The following CUX2 variants were observed in gnomAD, a reference collection of about 807,000 sequenced individuals.
CUX2 encodes cut like homeobox 2.
Under a neutral mutation model 144.8 loss-of-function variants are expected in CUX2, and 40 were observed. The ratio of observed to expected loss-of-function variants is 0.28; its 90% confidence interval spans 0.21 to 0.36. The LOEUF (loss-of-function observed/expected upper bound fraction) is 0.36. Among genes scored for constraint, CUX2 ranks in the 10% least tolerant of loss-of-function variants. The probability of loss-of-function intolerance (pLI) is 1.00; values close to 1 mark genes in which losing one functional copy is unlikely to be tolerated. For synonymous variants in CUX2, 827 were observed against 875.6 expected, an observed-to-expected ratio of 0.94 and a Z score of 0.98; for missense variants, 1,615 against 1,994.0, an observed-to-expected ratio of 0.81 and a Z score of 3.62.
chr12:111,275,933 T>C (rs1233636977), intron 4 of CUX2, among the ~76,000 whole-genome samples: 1 of 152,186 alleles, frequency 6.6e-6, no homozygotes. Context: ...CCATTTTCTG[T>C]TTTGTTTTGT....
intron 1 of CUX2, among the ~76,000 whole-genome samples, chr12:111,132,819 C>T (rs763740072): frequency 6.6e-5 from 10 of 152,082 alleles, no homozygotes; most frequent in Non-Finnish European, 1.3e-4. Context: ...GCGCCTGCCT[C>T]GGCCTCCCAA....
chr12:111,182,799 T>C lies in CUX2; in HGVS notation c.64-31401T>C, dbSNP rs1009733336. On this transcript the variant is annotated intron_variant, in intron 1 of 21. Transcript: ENST00000261726. ...CGTTCAGGTGGGCATGGGACAGTGG[T>C]CCCTGAGCCAGCCCAGGATACATTC... Among the ~76,000 whole-genome samples the C allele has an allele frequency of 2.2e-4, 34 of 152,096 alleles. 1 individual carries two copies. The highest frequency in any genetic ancestry group is 2.2e-3 in the Admixed American group (34 of 15,274).
intron 1 of CUX2, among the ~76,000 whole-genome samples, chr12:111,104,377 T>C (rs974093711): frequency 6.6e-6 from 1 of 152,164 alleles, no homozygotes; most frequent in African/African-American, 2.4e-5. Flanking sequence ...CATGGGAGGT[T>C]TGTGGGCTAA....
intron 1 of CUX2, among the ~76,000 whole-genome samples, chr12:111,042,712 G>C (rs1869809773): frequency 6.6e-6 from 1 of 152,058 alleles, no homozygotes; most frequent in Non-Finnish European, 1.5e-5. Flanking sequence ...GCTCACTGCA[G>C]CCTCAACCTT....
At chr12:111,205,151 T>C (rs1455808951) in intron 1 of CUX2, among the ~76,000 whole-genome samples, 1 of 152,136 alleles carries the variant, frequency 6.6e-6, no homozygotes, top group Non-Finnish European at 1.5e-5. Flanking sequence ...CGTCTTGTCT[T>C]GTCTTGTCTC....
intron 18 of CUX2, among the ~76,000 whole-genome samples, chr12:111,325,656 TGTG>T (rs1479114648): frequency 1.2e-5 from 1 of 86,944 alleles, no homozygotes; most frequent in Non-Finnish European, 2.2e-5. Context: ...TTTATAGTGT[TGTG>T]GTGGGGGAGG....
At chr12:111,102,855 G>C (rs1392105377) in intron 1 of CUX2, among the ~76,000 whole-genome samples, 1 of 152,054 alleles carries the variant, frequency 6.6e-6, no homozygotes, top group Non-Finnish European at 1.5e-5. Context: ...AGTTTGCGTA[G>C]TAAGTGATCA....
chr12:111,232,614 T>C (rs1882533345), intron 3 of CUX2, among the ~76,000 whole-genome samples: 1 of 152,240 alleles, frequency 6.6e-6, no homozygotes, highest in South Asian at 2.1e-4. Context: ...TTTGGTATCC[T>C]CAGGGTGTCC....
At chr12:111,339,891 C>G (rs530112714) in intron 20 of CUX2, among the ~76,000 whole-genome samples, 32 of 152,178 alleles carry the variant, frequency 2.1e-4, no homozygotes, top group Admixed American at 5.9e-4. Context: ...TGGCTGCTCT[C>G]TATTTCTGAA....
At chr12:111,233,059 C>A (rs1229097855) in intron 3 of CUX2, among the ~76,000 whole-genome samples, 3 of 152,154 alleles carry the variant, frequency 2.0e-5, no homozygotes, top group African/African-American at 7.2e-5. Flanking sequence ...AGAGTAGGGA[C>A]ATTCTAGTCA....
intron 3 of CUX2, among the ~76,000 whole-genome samples, chr12:111,249,479 C>T (rs1213493170): frequency 8.8e-6 from 1 of 114,166 alleles, no homozygotes; most frequent in Admixed American, 1.3e-4. Flanking sequence ...GGGTTGGAGA[C>T]AGAGTCTCAC....
intron 1 of CUX2, among the ~76,000 whole-genome samples, chr12:111,182,759 G>A (rs1879267883): frequency 6.6e-6 from 1 of 152,320 alleles, no homozygotes; most frequent in African/African-American, 2.4e-5. Context: ...GATCACCAAG[G>A]CAAGTGGTCA....
In CUX2 at chr12:111,035,347, C is replaced by CGGA. The variant is rs1319809966; in HGVS notation, c.63+1108_63+1110dup. Among the ~76,000 whole-genome samples, 1 of 152,116 alleles carries CGGA rather than the reference C, an allele frequency of 6.6e-6. No homozygotes were observed. The highest frequency in any genetic ancestry group is 1.9e-4 in the East Asian group (1 of 5,158). ...CCCCTAGATTTGGAGGTGTTCTCTG[C>CGGA]GGACCCCGTAGGAGCCGGGGCTGGG... is the stretch of plus-strand genomic sequence containing the variant. On this transcript the variant is annotated intron_variant, in intron 1 of 21. Transcript: ENST00000261726. This position sits in a 1 kb window ranked among gnomAD's most constrained non-coding sequence, Gnocchi z 6.0.
intron 1 of CUX2, among the ~76,000 whole-genome samples, chr12:111,063,713 G>T (rs1870898706): frequency 6.6e-6 from 1 of 152,230 alleles, no homozygotes; most frequent in Non-Finnish European, 1.5e-5. Context: ...GGGATTTGGC[G>T]GCCGCCCCTG....
intron 1 of CUX2, among the ~76,000 whole-genome samples, chr12:111,182,367 T>C (rs1367554073): frequency 6.6e-6 from 1 of 152,154 alleles, no homozygotes; most frequent in African/African-American, 2.4e-5. Context: ...ATGAACAAAT[T>C]AGGCATTCTC....
chr12:111,143,421 G>A (rs901836746), intron 1 of CUX2, among the ~76,000 whole-genome samples: 2 of 152,138 alleles, frequency 1.3e-5, no homozygotes, highest in African/African-American at 4.8e-5. Context: ...CGTCGTCCAC[G>A]TTGTCATGGC....
chr12:111,186,364 C>G lies in CUX2; in HGVS notation c.64-27836C>G, dbSNP rs1021975089. Among the ~76,000 whole-genome samples the G allele has an allele frequency of 1.3e-5, 2 of 152,150 alleles. No homozygotes were observed. Among genetic ancestry groups the G allele is most frequent in the East Asian group, 3.9e-4 (2 of 5,194 alleles). On this transcript the variant is annotated intron_variant, in intron 1 of 21. Coordinates refer to ENST00000261726, the MANE Select transcript of CUX2 (RefSeq NM_015267.4). The surrounding 1 kb of genome is among the most constrained non-coding windows in gnomAD (Gnocchi z 4.4). ...TCAGGGGTGGACACTCCATGGGGGA[C>G]GCAGGTGCTGAGAAAGTGGCATGAG...
intron 3 of CUX2, among the ~76,000 whole-genome samples, chr12:111,258,821 G>A (rs1002653882): frequency 3.9e-5 from 6 of 152,128 alleles, no homozygotes; most frequent in Admixed American, 1.3e-4. Context: ...GAGTAGCTAG[G>A]ACTGCAGGGG....
intron 3 of CUX2, among the ~76,000 whole-genome samples, chr12:111,248,798 G>T (rs1170947521): frequency 6.6e-6 from 1 of 152,176 alleles, no homozygotes; most frequent in Non-Finnish European, 1.5e-5. Flanking sequence ...GCCCAGGGTG[G>T]CCAGATCCTC....
Sources: gnomAD v4.1 joint callset for allele counts (sites outside exome capture counted in the v4.1 genomes callset) on GRCh38, gnomAD v4.1.1 for gene constraint, Gnocchi (gnomAD v3.1) non-coding constraint, MANE v1.5 for transcripts, NCBI Gene and HGNC (gene_info 2026-07-23, HGNC 2026-07-21) for gene names.